The following LDB2 variants were observed in gnomAD, a reference collection of about 807,000 sequenced individuals.
The protein encoded by LDB2 is LIM domain binding 2, also known as LIM domain-binding protein 2.
A neutral mutation model predicts 44.3 loss-of-function variants in LDB2; 12 were observed. That is an observed-to-expected ratio of 0.27 (90% confidence interval 0.17 to 0.44). The LOEUF is 0.44. Ranked by LOEUF, LDB2 falls within the 20% of genes least tolerant of loss-of-function variation. The pLI, the probability that LDB2 is intolerant of heterozygous loss-of-function variation, is 1.00. For missense variants in LDB2, 344 were observed against 473.5 expected (o/e 0.73, Z 2.54); for synonymous variants, 164 against 174.8 (o/e 0.94, Z 0.49).
At chr4:16,827,260 A>G (rs931497177) in intron 1 of LDB2, among the ~76,000 whole-genome samples, 6 of 152,302 alleles carry the variant, frequency 3.9e-5, no homozygotes, top group Admixed American at 3.9e-4. Context: ...CAGAGACAGC[A>G]GGAGGACAGT....
chr4:16,884,407 AT>A (rs1721040513), intron 1 of LDB2, among the ~76,000 whole-genome samples: 1 of 152,180 alleles, frequency 6.6e-6, no homozygotes, highest in African/African-American at 2.4e-5. Context: ...TGGTATTTAA[AT>A]ACCTCCACAA....
chr4:16,677,574 C>A (rs372459188), intron 2 of LDB2, among the ~76,000 whole-genome samples: 3 of 152,308 alleles, frequency 2.0e-5, no homozygotes, highest in East Asian at 3.9e-4. Flanking sequence ...TTAGACAAGA[C>A]CCCTCCTTGG....
chr4:16,612,664 A>G (rs1322647380), intron 2 of LDB2, among the ~76,000 whole-genome samples: 1 of 152,210 alleles, frequency 6.6e-6, no homozygotes, highest in Non-Finnish European at 1.5e-5. Flanking sequence ...AAGAAGTTGA[A>G]TCCCTGAATA....
intron 2 of LDB2, among the ~76,000 whole-genome samples, chr4:16,612,969 C>A (rs183372660): frequency 6.6e-6 from 1 of 152,182 alleles, no homozygotes; most frequent in African/African-American, 2.4e-5. Flanking sequence ...TACTGGTAAA[C>A]TGAATCCAGC....
At chr4:16,672,685 G>A (rs953867964) in intron 2 of LDB2, among the ~76,000 whole-genome samples, 1 of 152,080 alleles carries the variant, frequency 6.6e-6, no homozygotes, top group Admixed American at 6.5e-5. Flanking sequence ...TGGAAACAGG[G>A]CCTGCGGATC....
At chr4:16,527,611 C>G (rs1262761116) in intron 5 of LDB2, among the ~76,000 whole-genome samples, 1 of 152,196 alleles carries the variant, frequency 6.6e-6, no homozygotes, top group African/African-American at 2.4e-5. Context: ...GAAAAAGACA[C>G]TTGGACACGC....
At chr4:16,862,822 A>G (rs1713150046) in intron 1 of LDB2, among the ~76,000 whole-genome samples, 1 of 152,120 alleles carries the variant, frequency 6.6e-6, no homozygotes, top group Non-Finnish European at 1.5e-5. Context: ...AGAGATGGGA[A>G]GAAAGCCACA....
chr4:16,657,338 A>G (rs1390829065), intron 2 of LDB2, among the ~76,000 whole-genome samples: 4 of 152,100 alleles, frequency 2.6e-5, no homozygotes, highest in Non-Finnish European at 5.9e-5. Flanking sequence ...TCCCATCATC[A>G]TCATTATTAC....
intron 2 of LDB2, among the ~76,000 whole-genome samples, chr4:16,754,208 A>G (rs1296488563): frequency 2.6e-5 from 4 of 152,162 alleles, no homozygotes; most frequent in Admixed American, 2.0e-4. Flanking sequence ...ACCACTTACT[A>G]GAAGCGAGAG....
intron 1 of LDB2, among the ~76,000 whole-genome samples, chr4:16,765,000 T>A (rs541014279): frequency 1.3e-5 from 2 of 152,134 alleles, no homozygotes; most frequent in South Asian, 2.1e-4. Flanking sequence ...AACCAGGAGG[T>A]GCATTGAGAC....
chr4:16,739,199 A>C (rs1762461377), intron 2 of LDB2, among the ~76,000 whole-genome samples: 2 of 152,176 alleles, frequency 1.3e-5, no homozygotes, highest in East Asian at 1.9e-4. Flanking sequence ...TGATGATATA[A>C]GTATTTAAAA....
intron 2 of LDB2, among the ~76,000 whole-genome samples, chr4:16,665,799 C>T (rs1321326493): frequency 6.6e-6 from 1 of 152,148 alleles, no homozygotes; most frequent in Admixed American, 6.5e-5. Flanking sequence ...TTAGAATCAA[C>T]ATGAGATCAT....
chr4:16,726,250 C>T (rs1292630713), intron 2 of LDB2: 1 of 152,098 alleles, frequency 6.6e-6, no homozygotes, highest in Non-Finnish European at 1.5e-5. Context: ...ACAGTAAAAA[C>T]CTGTTCCTGA....
chr4:16,557,802 C>A (rs1475823997), intron 5 of LDB2, among the ~76,000 whole-genome samples: 1 of 152,204 alleles, frequency 6.6e-6, no homozygotes. Context: ...AGCAGCCTAA[C>A]TGGGAGGCAC....
At chr4:16,599,290 T>C (rs1721916738) in intron 2 of LDB2, among the ~76,000 whole-genome samples, 1 of 152,124 alleles carries the variant, frequency 6.6e-6, no homozygotes, top group South Asian at 2.1e-4. Flanking sequence ...TGTTTCATCA[T>C]CTAGAGGATG....
chr4:16,542,321 C>A (rs1377078761), intron 5 of LDB2, among the ~76,000 whole-genome samples: 1 of 152,116 alleles, frequency 6.6e-6, no homozygotes, highest in African/African-American at 2.4e-5. Flanking sequence ...ACAAGACATC[C>A]TGGATGGCGA....
chr4:16,568,934 T>G (rs1016572299), intron 5 of LDB2, among the ~76,000 whole-genome samples: 7 of 152,212 alleles, frequency 4.6e-5, no homozygotes, highest in African/African-American at 1.7e-4. Flanking sequence ...GTTTTATCTT[T>G]CCTGCCTTCT....
intron 7 of LDB2, chr4:16,505,805 T>C (rs764197491): frequency 2.7e-6 from 4 of 1,506,590 alleles, no homozygotes; most frequent in Non-Finnish European, 3.6e-6. Context: ...CCATTTCACA[T>C]CTTCTCACTA....
intron 5 of LDB2, among the ~76,000 whole-genome samples, chr4:16,570,431 C>T (rs188386831): frequency 0.017 from 2,011 of 116,268 alleles, 19 homozygotes; most frequent in Middle Eastern, 0.033. Flanking sequence ...CCACCACACT[C>T]CAGCCTGGGA....
Sources: allele counts gnomAD v4.1 joint callset (sites outside exome capture counted in the v4.1 genomes callset), GRCh38; gene constraint gnomAD v4.1.1; transcripts MANE v1.5; gene names NCBI Gene and HGNC (gene_info 2026-07-23, HGNC 2026-07-21).